DIP2C: variants seen among roughly 807,000 people sequenced by gnomAD.
The protein encoded by DIP2C is DIP2 acetate--CoA ligase C (putative), also known as disco-interacting protein 2 homolog C.
Under a neutral mutation model 192.4 loss-of-function variants are expected in DIP2C, and 33 were observed. The observed-to-expected ratio is 0.17, with a 90% CI of 0.13 to 0.23. The LOEUF (loss-of-function observed/expected upper bound fraction) is 0.23, where lower values mean the gene tolerates loss of function less well. Among genes scored for constraint, DIP2C ranks in the 10% least tolerant of loss-of-function variants. The pLI is 1.00. For missense variants in DIP2C, 1,537 were observed against 2,110.1 expected (o/e 0.73, Z 5.32); for synonymous variants, 979 against 864.1 (o/e 1.13, Z -2.33).
intron 17 of DIP2C, among the ~76,000 whole-genome samples, chr10:381,276 T>C (rs1564639841): frequency 6.6e-6 from 1 of 152,048 alleles, no homozygotes; most frequent in Non-Finnish European, 1.5e-5. Flanking sequence ...GATAACGACA[T>C]AAAAAGACAG....
chr10:385,221 C>T (rs10904086), intron 14 of DIP2C, among the ~76,000 whole-genome samples: 62,022 of 151,860 alleles, frequency 0.41, 14,359 homozygotes, highest in African/African-American at 0.62. Context: ...GAGGAGCGGT[C>T]GCACAGGACC....
intron 1 of DIP2C, among the ~76,000 whole-genome samples, chr10:556,496 T>G (rs1848881417): frequency 6.7e-6 from 1 of 149,618 alleles, no homozygotes; most frequent in Non-Finnish European, 1.5e-5. Context: ...GCCACCTGAC[T>G]CTACCAGGAC....
At chr10:380,737 C>CAA (rs1962294702) in intron 17 of DIP2C, among the ~76,000 whole-genome samples, 2 of 152,314 alleles carry the variant, frequency 1.3e-5, no homozygotes, top group South Asian at 4.1e-4. Flanking sequence ...GTTCTCATGC[C>CAA]AAAACCTACA....
intron 1 of DIP2C, among the ~76,000 whole-genome samples, chr10:515,850 C>T (rs557286258): frequency 2.3e-4 from 35 of 152,260 alleles, no homozygotes; most frequent in African/African-American, 6.7e-4. Context: ...ATTCTATTCT[C>T]GTCTCTAAAC....
At chr10:454,741 C>A (rs1055905426) in intron 3 of DIP2C, among the ~76,000 whole-genome samples, 10 of 151,798 alleles carry the variant, frequency 6.6e-5, no homozygotes, top group African/African-American at 2.4e-4. Flanking sequence ...AGGTAGTATA[C>A]AAACGCACCC....
chr10:409,341 G>A (rs945599887), intron 8 of DIP2C, among the ~76,000 whole-genome samples: 1 of 152,158 alleles, frequency 6.6e-6, no homozygotes, highest in African/African-American at 2.4e-5. Flanking sequence ...TGCACACACC[G>A]TCGTCACAGG....
At chr10:352,529 T>G (rs939019466) in intron 24 of DIP2C, among the ~76,000 whole-genome samples, 2 of 152,278 alleles carry the variant, frequency 1.3e-5, no homozygotes, top group African/African-American at 4.8e-5. Context: ...AAAAAGCCCC[T>G]TGAGATAGTG....
intron 1 of DIP2C, among the ~76,000 whole-genome samples, chr10:683,955 T>C (rs899360941): frequency 3.9e-5 from 6 of 152,158 alleles, no homozygotes; most frequent in African/African-American, 9.7e-5. Flanking sequence ...GCAAGTCCAG[T>C]GTGAGGCAGA....
intron 4 of DIP2C, among the ~76,000 whole-genome samples, chr10:425,587 T>C (rs888572505): frequency 1.4e-5 from 2 of 140,530 alleles, no homozygotes; most frequent in South Asian, 2.3e-4. Flanking sequence ...GTGACTAATA[T>C]GAAATGGATG....
intron 21 of DIP2C, 45 bp from the exon 22 acceptor site, chr10:362,736 A>G (rs755710838): frequency 2.6e-6 from 4 of 1,557,688 alleles, no homozygotes; most frequent in Non-Finnish European, 3.5e-6. Context: ...GAGGAAGTAT[A>G]AACAGTACGT....
At chr10:341,102 G>C in intron 29 of DIP2C, 97 bp downstream of exon 29, 9 of 1,540,060 alleles carry the variant, frequency 5.8e-6, no homozygotes, top group Non-Finnish European at 8.0e-6. Flanking sequence ...AGGAGTGGGG[G>C]TGTGGGGGCA....
chr10:492,653 A>C (rs937296578), intron 1 of DIP2C, among the ~76,000 whole-genome samples: 1 of 152,216 alleles, frequency 6.6e-6, no homozygotes, highest in Non-Finnish European at 1.5e-5. Context: ...TAGGAGCAGG[A>C]AAGAAACACA....
intron 1 of DIP2C, among the ~76,000 whole-genome samples, chr10:509,732 C>T (rs1219179512): frequency 6.6e-6 from 1 of 152,190 alleles, no homozygotes; most frequent in African/African-American, 2.4e-5. Flanking sequence ...CGACAAACCC[C>T]ACAAAGTCGC....
intron 24 of DIP2C, among the ~76,000 whole-genome samples, chr10:352,376 A>T (rs1057309112): frequency 1.3e-5 from 2 of 152,218 alleles, no homozygotes; most frequent in East Asian, 3.8e-4. Flanking sequence ...TGTGAAACAC[A>T]ATTTTCTCAA....
rs186250041 is a variant in DIP2C, at chr10:595,767, G to C, written c.85+93727C>G. Among the ~76,000 whole-genome samples the C allele has an allele frequency of 2.5e-3, 386 of 152,270 alleles. 1 individual carries two copies. The highest frequency in any genetic ancestry group is 0.01 in the Middle Eastern group (3 of 294). On this transcript the variant is annotated intron_variant, in intron 1 of 36. Coordinates refer to ENST00000280886, the MANE Select transcript of DIP2C (RefSeq NM_014974.3). ...CACAAAGTCAGGTTTTTTCAATAAGGGTTTGGTTGGGAAAAAAAATTAACG... is the reference window on the plus strand; with the variant it reads ...CACAAAGTCAGGTTTTTTCAATAAGCGTTTGGTTGGGAAAAAAAATTAACG...
At chr10:575,491 C>G (rs999122456) in intron 1 of DIP2C, among the ~76,000 whole-genome samples, 1 of 152,198 alleles carries the variant, frequency 6.6e-6, no homozygotes, top group Admixed American at 6.5e-5. Flanking sequence ...ACGCAAAAGT[C>G]TCTCAACTTC....
intron 5 of DIP2C, among the ~76,000 whole-genome samples, chr10:421,358 T>C (rs1966169539): frequency 6.6e-6 from 1 of 152,230 alleles, no homozygotes; most frequent in African/African-American, 2.4e-5. Context: ...TTTTCCTTGG[T>C]AAGATTCTGC....
intron 31 of DIP2C, among the ~76,000 whole-genome samples, chr10:312,868 A>G (rs1385687113): frequency 6.6e-6 from 1 of 152,200 alleles, no homozygotes; most frequent in East Asian, 1.9e-4. Context: ...TATTAACTGG[A>G]ACAAAAATAA....
chr10:387,699 G>C, intron 14 of DIP2C, 46 bp downstream of exon 14: 1 of 1,590,532 alleles, frequency 6.3e-7, no homozygotes, highest in Non-Finnish European at 8.6e-7. Flanking sequence ...AGGGCAGGGT[G>C]GGGGACTCCT....
Sources: allele counts gnomAD v4.1 joint callset (sites outside exome capture counted in the v4.1 genomes callset), GRCh38; gene constraint gnomAD v4.1.1; transcripts MANE v1.5; gene names NCBI Gene and HGNC (gene_info 2026-07-23, HGNC 2026-07-21).